The following CREBRF variants were observed in gnomAD, a reference collection of about 807,000 sequenced individuals.
CREBRF encodes the protein UPF0474 protein C5orf41.
A neutral mutation model predicts 66.1 loss-of-function variants in CREBRF; 5 were observed. That is an observed-to-expected ratio of 0.08 (90% CI 0.04 to 0.16). CREBRF has a LOEUF of 0.16. CREBRF is among the 10% of genes least tolerant of loss of function. The pLI is 1.00. For synonymous variants in CREBRF, 229 were observed against 264.4 expected (o/e 0.87, Z 1.30); for missense variants, 531 against 744.9 (o/e 0.71, Z 3.34).
In CREBRF at chr5:173,082,908, C is replaced by CAAAAAAAAAAAAAA. The variant is rs70984937; in HGVS notation, c.9+2149_9+2162dup. 3.4e-4 allele frequency among the ~76,000 whole-genome samples: 10 copies of CAAAAAAAAAAAAAA among 29,018 alleles called. 1 individual carries two copies. Among genetic ancestry groups the CAAAAAAAAAAAAAA allele is most frequent in the Non-Finnish European group, 5.5e-4 (9 of 16,430 alleles). The allele number at this position is 29,018 out of a possible 152,430, so 19.0% of individuals were successfully genotyped here. A position where few individuals can be genotyped will look rare whatever the true frequency, so the allele number is the denominator to read the frequency against. On this transcript the variant is annotated intron_variant, in intron 2 of 8. Coordinates refer to ENST00000296953, the MANE Select transcript of CREBRF (RefSeq NM_153607.3). ...TGAGCGACGGAGCGAGACTCTGTCT[C>CAAAAAAAAAAAAAA]AAAAAAAAAAAAAAAAAAAAAAAAA...
intron 3 of CREBRF, among the ~76,000 whole-genome samples, chr5:173,087,122 T>G (rs1298378314): frequency 6.6e-6 from 1 of 152,048 alleles, no homozygotes; most frequent in Non-Finnish European, 1.5e-5. Context: ...AATTTTTGCA[T>G]TTTTAGTAGG....
chr5:173,128,988 G>A (rs1759339783), intron 8 of CREBRF, among the ~76,000 whole-genome samples: 2 of 151,420 alleles, frequency 1.3e-5, no homozygotes, highest in African/African-American at 4.9e-5. Context: ...CACCATGTTA[G>A]CCAGGATGGT....
Position 173,123,139 on chromosome 5 carries a change from C to T in CREBRF, c.1741C>T (p.Pro581Ser). 3 of 1,605,322 alleles carry T rather than the reference C, an allele frequency of 1.9e-6. No individual in the cohort carries two copies. The highest frequency in any genetic ancestry group is 2.5e-6 in the Non-Finnish European group (3 of 1,177,630). ...KQEIVNRVQN[P>S]RDERGPNMGQ... is the part of the protein sequence containing the mutation. The stretch of plus-strand genomic sequence containing the variant: ...AGAGATTGTAAACCGGGTACAGAAT[C>T]CAAGAGATGAGAGAGGACCCAACAT... Residue 581 changes from proline (P) to serine (S), a missense_variant, in exon 8 of 9, where the codon CCA (proline) becomes TCA (serine). Pro to Ser is a moderately conservative substitution (Grantham distance 74, BLOSUM62 -1). Transcript: ENST00000296953.
chr5:173,122,652 G>A (rs1318863248), intron 7 of CREBRF, among the ~76,000 whole-genome samples: 20 of 146,016 alleles, frequency 1.4e-4, no homozygotes, highest in South Asian at 8.7e-4. Context: ...CAATGTGCCA[G>A]TTAGTTACAT....
At chr5:173,085,808 T>G in intron 2 of CREBRF, 1 of 779,426 alleles carries the variant, frequency 1.3e-6, no homozygotes. Flanking sequence ...TTTAGCAGTC[T>G]CTGGAGTGAT....
chr5:173,113,877 C>G (rs1758924751), intron 7 of CREBRF, among the ~76,000 whole-genome samples: 1 of 152,152 alleles, frequency 6.6e-6, no homozygotes, highest in South Asian at 2.1e-4. Context: ...AAGAACACCT[C>G]CTTTCTCCCT....
In CREBRF at chr5:173,072,592, CTTTTT is replaced by C. The variant is rs76691654; in HGVS notation, c.-191-7980_-191-7976del. ...TACCTAGCTGCCTGGCTGATTTTTA[CTTTTT>C]TTTTTTTTTTTTGTAGAGACAGGGT... On this transcript the variant is annotated intron_variant, in intron 1 of 8. Transcript: ENST00000296953. 1.1e-3 allele frequency among the ~76,000 whole-genome samples: 150 copies of C among 135,632 alleles called. 3 individuals carry two copies. In the South Asian group the frequency reaches 0.034, roughly 31 times the overall value. The allele number at this position is 135,632 out of a possible 152,430, so 89.0% of individuals were successfully genotyped here.
intron 1 of CREBRF, chr5:173,057,385 C>T (rs1179733271): frequency 6.6e-6 from 1 of 152,544 alleles, no homozygotes; most frequent in Non-Finnish European, 1.5e-5. Context: ...GGGGGTGTTT[C>T]GGGTGTCCGA....
intron 1 of CREBRF, among the ~76,000 whole-genome samples, chr5:173,062,253 C>T (rs1757292892): frequency 1.3e-5 from 2 of 152,166 alleles, no homozygotes; most frequent in East Asian, 1.9e-4. Context: ...ACTATGAGCT[C>T]CTTGAGGTCA....
chr5:173,096,162 G>A (rs778024990), intron 4 of CREBRF, among the ~76,000 whole-genome samples: 103 of 151,990 alleles, frequency 6.8e-4, no homozygotes, highest in South Asian at 1.5e-3. Context: ...GTAGAGGCGG[G>A]GTTTCACTGT....
chr5:173,095,474 C>T (rs925340465), intron 4 of CREBRF, among the ~76,000 whole-genome samples: 2 of 152,120 alleles, frequency 1.3e-5, no homozygotes, highest in African/African-American at 4.8e-5. Flanking sequence ...CAGGCATGAG[C>T]CACCGTGCCT....
intron 2 of CREBRF, among the ~76,000 whole-genome samples, chr5:173,085,052 C>T (rs1436435217): frequency 6.6e-6 from 1 of 152,066 alleles, no homozygotes. Flanking sequence ...AAGCGATTCT[C>T]CTGCCTCAGC....
At position 173,133,840 on chromosome 5, in the gene CREBRF, G is replaced by A. The variant is rs1007415606; in HGVS notation, c.*95G>A. The A allele has an allele frequency of 3.4e-5, 21 of 620,930 alleles. No individual in the cohort carries two copies. Among genetic ancestry groups the A allele is most frequent in the Non-Finnish European group, 4.8e-5 (17 of 352,226 alleles). The allele number at this position is 620,930 out of a possible 1,614,324, so 38.5% of individuals were successfully genotyped here. A position where few individuals can be genotyped will look rare whatever the true frequency, so the allele number is the denominator to read the frequency against. ...TGTTTTGCATGTCAGTTAGCATTAT[G>A]TAAACATTTACAATTAGGTTACATT... On this transcript the variant is annotated 3_prime_UTR_variant, in exon 9 of 9. Transcript: ENST00000296953.
chr5:173,120,110 T>C (rs61483225), intron 7 of CREBRF, among the ~76,000 whole-genome samples: 4,793 of 152,242 alleles, frequency 0.031, 240 homozygotes, highest in African/African-American at 0.11. Flanking sequence ...TATTGGTCTA[T>C]GATTTTTATT....
chr5:173,129,718 CAAAA>C (rs36113811), intron 8 of CREBRF, among the ~76,000 whole-genome samples: 15 of 105,638 alleles, frequency 1.4e-4, no homozygotes, highest in Admixed American at 9.8e-5. Flanking sequence ...GACCTCATCT[CAAAA>C]AAAAAAAAAA....
At chr5:173,127,489 T>TATC (rs1759305105) in intron 8 of CREBRF, among the ~76,000 whole-genome samples, 4 of 149,606 alleles carry the variant, frequency 2.7e-5, no homozygotes, top group Non-Finnish European at 5.9e-5. Context: ...AGATGGGGTC[T>TATC]CGCTGTGTCA....
At chr5:173,095,753 A>G (rs942296570) in intron 4 of CREBRF, among the ~76,000 whole-genome samples, 1 of 150,462 alleles carries the variant, frequency 6.6e-6, no homozygotes, top group African/African-American at 2.4e-5. Flanking sequence ...TCTTTCACCA[A>G]TGTTGTATAG....
At chr5:173,091,987 G>A (rs974421426) in intron 4 of CREBRF, 14 of 265,604 alleles carry the variant, frequency 5.3e-5, no homozygotes, top group South Asian at 1.4e-4. Context: ...AGGTTGAGGC[G>A]GGAGAATCAC....
Position 173,069,602 on chromosome 5 carries a change from G to A in CREBRF, c.-191-10983G>A, listed in dbSNP as rs148290086. Among the ~76,000 whole-genome samples, 859 of 152,118 alleles carry A rather than the reference G, an allele frequency of 5.6e-3. 12 individuals are homozygous for A. Among genetic ancestry groups the A allele is most frequent in the African/African-American group, 0.019 (797 of 41,546 alleles). On this transcript the variant is annotated intron_variant, in intron 1 of 8. Transcript: ENST00000296953. Reference sequence around the variant, plus strand: ...CTCCCAAAGTGCAGGGATTACAGGCGTGAGCCACCATGCCTGGCCATGAAA... The same window carrying A: ...CTCCCAAAGTGCAGGGATTACAGGCATGAGCCACCATGCCTGGCCATGAAA...
Sources: allele counts gnomAD v4.1 joint callset (sites outside exome capture counted in the v4.1 genomes callset), GRCh38; gene constraint gnomAD v4.1.1; transcripts MANE v1.5; gene names NCBI Gene and HGNC (gene_info 2026-07-23, HGNC 2026-07-21).